COQ7: variants seen among roughly 807,000 people sequenced by gnomAD.
The protein encoded by COQ7 is coenzyme Q7, hydroxylase.
A neutral mutation model predicts 25.0 loss-of-function variants in COQ7; 21 were observed. The observed-to-expected ratio is 0.84, with a 90% CI of 0.60 to 1.21. COQ7 has a LOEUF of 1.21. Among genes scored for constraint, COQ7 ranks in the 50% most tolerant of loss-of-function variants. The pLI is 0.00. For missense variants in COQ7, 311 were observed against 296.2 expected (o/e 1.05, Z -0.37); for synonymous variants, 125 against 112.4 (o/e 1.11, Z -0.71).
Position 19,072,012 on chromosome 16 carries a change from T to A in COQ7, c.158T>A (p.Ile53Asn). ...NISRAAVDRI[I>N]RVDHAGEYGA... ...AGTCGGGCAGCTGTGGATCGAATAATCCGGGTGGATCATGCAGGCGAATAT... is the reference window on the plus strand; with the variant it reads ...AGTCGGGCAGCTGTGGATCGAATAAACCGGGTGGATCATGCAGGCGAATAT... Residue 53 changes from isoleucine to asparagine, a missense_variant, in exon 2 of 6, where the codon ATC (isoleucine) becomes AAC (asparagine). Ile to Asn is a moderately radical substitution (Grantham distance 149). Coordinates refer to ENST00000321998, the MANE Select transcript of COQ7 (RefSeq NM_016138.5). 1 of 1,614,204 alleles carries A rather than the reference T, an allele frequency of 6.2e-7. No individual in the cohort carries two copies. Among genetic ancestry groups the A allele is most frequent in the Non-Finnish European group, 8.5e-7 (1 of 1,180,042 alleles).
intron 5 of COQ7, 22 bp from the exon 6 acceptor site, chr16:19,078,059 G>T: frequency 6.3e-7 from 1 of 1,575,576 alleles, no homozygotes; most frequent in Non-Finnish European, 8.6e-7. Flanking sequence ...ATGTTTCTTT[G>T]TTTGCTTATT....
intron 5 of COQ7, among the ~76,000 whole-genome samples, chr16:19,077,856 G>T (rs1962940886): frequency 1.3e-5 from 2 of 152,006 alleles, no homozygotes; most frequent in African/African-American, 4.8e-5. Context: ...GGTCTCCCAG[G>T]AGCTTCATTT....
In COQ7 at chr16:19,077,390, T is replaced by TA. The variant is rs1246063776; in HGVS notation, c.576+17dup. ...TGCAGAATTGGTAGGGCCCTACTGTTACCTGTTCTGCTTTGGGACTCCTTA... is the reference window on the plus strand; with the variant it reads ...TGCAGAATTGGTAGGGCCCTACTGTTAACCTGTTCTGCTTTGGGACTCCTTA... On this transcript the variant is annotated intron_variant, in intron 5 of 5. Transcript: ENST00000321998. 1.2e-6 allele frequency: 2 copies of TA among 1,611,928 alleles called. No individual in the cohort carries two copies. Among genetic ancestry groups the TA allele is most frequent in the East Asian group, 4.5e-5 (2 of 44,852 alleles).
intron 2 of COQ7, among the ~76,000 whole-genome samples, chr16:19,072,729 A>G (rs1284791711): frequency 2.6e-5 from 4 of 152,336 alleles, no homozygotes; most frequent in African/African-American, 9.6e-5. Context: ...TTTGTTGTGT[A>G]TACTGGCGCA....
chr16:19,082,927 T>G (rs575506982), downstream of COQ7, among the ~76,000 whole-genome samples: 7 of 151,894 alleles, frequency 4.6e-5, no homozygotes, highest in East Asian at 1.2e-3. Flanking sequence ...GAAGGTAGAT[T>G]AGTGGTCGTC....
intron 1 of COQ7, among the ~76,000 whole-genome samples, chr16:19,069,211 T>C (rs1245796613): frequency 6.6e-6 from 1 of 152,184 alleles, no homozygotes; most frequent in Non-Finnish European, 1.5e-5. Flanking sequence ...AAGTATATGG[T>C]AATGCAGGCA....
In COQ7 at chr16:19,079,370, A is replaced by T. The variant is rs1049293556; in HGVS notation, c.*1212A>T. 8 of 151,980 alleles carry T rather than the reference A, an allele frequency of 5.3e-5. No individual in the cohort carries two copies. The highest frequency in any genetic ancestry group is 1.9e-4 in the African/African-American group (8 of 41,350). The allele number at this position is 151,980 out of a possible 1,614,324, so 9.4% of individuals were successfully genotyped here. ...GGATTATTTGTGAAATTGAATTACA[A>T]CCTTTTCCTTAAGGTCTTTTACCAC... On this transcript the variant is annotated 3_prime_UTR_variant, in exon 6 of 6. Transcript: ENST00000321998.
intron 1 of COQ7, among the ~76,000 whole-genome samples, chr16:19,070,966 A>T (rs1336839678): frequency 6.6e-6 from 1 of 152,204 alleles, no homozygotes; most frequent in Non-Finnish European, 1.5e-5. Flanking sequence ...TAGGAGATTT[A>T]TTTTTAAAGA....
chr16:19,077,478 G>A (rs932754618), intron 5 of COQ7, 104 bp downstream of exon 5: 13 of 878,344 alleles, frequency 1.5e-5, no homozygotes, highest in Non-Finnish European at 1.9e-5. Context: ...AAGTGACAGC[G>A]AAAGGGAGAG....
chr16:19,075,614 C>A, intron 3 of COQ7, 107 bp from the exon 4 acceptor site: 1 of 1,273,484 alleles, frequency 7.9e-7, no homozygotes, highest in Non-Finnish European at 1.1e-6. Context: ...CAAAGAATGA[C>A]CCGGCCCGAT....
Position 19,073,999 on chromosome 16 carries a change from C to T in COQ7, c.331C>T (p.Leu111=). The T allele has an allele frequency of 6.2e-7, 1 of 1,613,578 alleles. No homozygotes were observed. The highest frequency in any genetic ancestry group is 8.5e-7 in the Non-Finnish European group (1 of 1,179,904). ...TACGTTCAGGGTCCGGCCAACAGTT[C>T]TGATGCCCTTGTGGAACGTGCTGGG... The part of the protein sequence containing the change: ...MVTFRVRPTV[L]MPLWNVLGFA... The change falls in exon 3 of 6, where the codon CTG becomes TTG. Residue 111 remains leucine (L), a synonymous_variant. Transcript: ENST00000321998.
At chr16:19,067,958 G>T in intron 1 of COQ7, 1 of 1,426,636 alleles carries the variant, frequency 7.0e-7, no homozygotes, top group South Asian at 1.5e-5. Context: ...TTTCGGCAGT[G>T]ACGCCTGGGG....
chr16:19,075,700 G>A (rs768981488), intron 3 of COQ7, 21 bp from the exon 4 acceptor site: 2 of 1,543,462 alleles, frequency 1.3e-6, no homozygotes, highest in Non-Finnish European at 1.7e-6. Context: ...TACTTTTCTG[G>A]TCTGGGTTTA....
rs776482866 is a variant in COQ7, at chr16:19,077,357, G to T, written c.559G>T (p.Asp187Tyr). 5 of 1,614,006 alleles carry T rather than the reference G, an allele frequency of 3.1e-6. No individual in the cohort carries two copies. Among genetic ancestry groups the T allele is most frequent in the Non-Finnish European group, 4.2e-6 (5 of 1,179,962 alleles). Residue 187 changes from aspartate (D) to tyrosine (Y), a missense_variant, in exon 5 of 6, where the codon GAC (aspartate) becomes TAC (tyrosine). Physicochemically the swap from Asp to Tyr is radical, Grantham distance 160. Transcript: ENST00000321998. ...EELEHHDIGL[D>Y]HDAELAPAYA... is the part of the protein sequence containing the mutation. ...GCTTGAGCACCATGACATAGGCCTC[G>T]ACCATGATGCAGAATTGGTAGGGCC...
chr16:19,078,051 GTTTC>G (rs771340286), intron 5 of COQ7, 26 bp from the exon 6 acceptor site: 3 of 1,565,278 alleles, frequency 1.9e-6, no homozygotes, highest in Non-Finnish European at 2.6e-6. Context: ...CACATAACAT[GTTTC>G]TTTGTTTGCT....
downstream of COQ7, among the ~76,000 whole-genome samples, chr16:19,081,373 C>G (rs1264605091): frequency 6.6e-6 from 1 of 152,166 alleles, no homozygotes; most frequent in African/African-American, 2.4e-5. Flanking sequence ...TTTAAGGAAT[C>G]AAGCTTGACT....
At position 19,071,947 on chromosome 16, in the gene COQ7, T is replaced by C. The variant is rs757613514; in HGVS notation, c.93T>C (p.Ser31=). 6.8e-6 allele frequency: 11 copies of C among 1,614,076 alleles called. No individual in the cohort carries two copies. In the East Asian group the frequency reaches 2.5e-4, roughly 36 times the overall value. ...RSLSAYGRRT[S]VRFRSSGMTL... ...TTTCAGCTTATGGAAGAAGAACCAG[T>C]GTCAGATTTCGCAGTTCAGGAATGA... is the stretch of plus-strand genomic sequence containing the variant. Residue 31 remains serine, a synonymous_variant, in exon 2 of 6, where the codon AGT becomes AGC. Coordinates refer to ENST00000321998, the MANE Select transcript of COQ7 (RefSeq NM_016138.5).
At chr16:19,075,643 G>A in intron 3 of COQ7, 78 bp from the exon 4 acceptor site, 24 of 1,476,740 alleles carry the variant, frequency 1.6e-5, no homozygotes, top group Non-Finnish European at 2.2e-5. Flanking sequence ...CAGAGGTTAA[G>A]AAGCCCTGGC....
chr16:19,069,066 A>G (rs1053304303), intron 1 of COQ7, among the ~76,000 whole-genome samples: 2 of 152,210 alleles, frequency 1.3e-5, no homozygotes, highest in African/African-American at 2.4e-5. Flanking sequence ...CCCTTACTAC[A>G]TGGGGTTATT....
Sources: gnomAD v4.1 joint callset for allele counts (sites outside exome capture counted in the v4.1 genomes callset) on GRCh38, gnomAD v4.1.1 for gene constraint, MANE v1.5 for transcripts, NCBI Gene and HGNC (gene_info 2026-07-23, HGNC 2026-07-21) for gene names.